The following CSMD1 variants were observed in gnomAD, a reference collection of about 807,000 sequenced individuals.
CSMD1 encodes CUB and sushi domain-containing protein 1.
In CSMD1, 213 loss-of-function variants were observed where a neutral mutation model predicts 417.5. That is an observed-to-expected ratio of 0.51 (90% CI 0.46 to 0.57). The LOEUF (loss-of-function observed/expected upper bound fraction) is 0.57, where lower values mean the gene tolerates loss of function less well. Ranked by LOEUF, CSMD1 falls within the 20% of genes least tolerant of loss-of-function variation. The pLI is 0.00. For missense variants in CSMD1, 6,923 were observed against 4,529.7 expected (o/e 1.53, Z -15.17); for synonymous variants, 2,862 against 1,736.8 (o/e 1.65, Z -16.11).
intron 3 of CSMD1, among the ~76,000 whole-genome samples, chr8:4,255,816 T>C (rs1034851573): frequency 6.6e-6 from 1 of 152,232 alleles, no homozygotes; most frequent in Non-Finnish European, 1.5e-5. Flanking sequence ...TCTGGGGCAC[T>C]GGCTGGCCTT....
intron 52 of CSMD1, among the ~76,000 whole-genome samples, chr8:3,016,094 C>T (rs969409680): frequency 1.3e-5 from 2 of 152,100 alleles, no homozygotes; most frequent in Admixed American, 6.6e-5. Flanking sequence ...ATCTGCAGGT[C>T]GAAGGAATAA....
intron 5 of CSMD1, among the ~76,000 whole-genome samples, chr8:3,947,163 T>C (rs1811284906): frequency 6.6e-6 from 1 of 152,230 alleles, no homozygotes; most frequent in African/African-American, 2.4e-5. Flanking sequence ...GTTATAAAAT[T>C]TCCATGGATG....
At chr8:4,878,166 G>A (rs758263484) in intron 1 of CSMD1, among the ~76,000 whole-genome samples, 11 of 152,040 alleles carry the variant, frequency 7.2e-5, no homozygotes, top group Non-Finnish European at 1.5e-4. Flanking sequence ...TTTAGAATGA[G>A]CAGTTTGTTT....
chr8:3,707,395 C>A (rs1469795767), intron 7 of CSMD1, among the ~76,000 whole-genome samples: 1 of 152,082 alleles, frequency 6.6e-6, no homozygotes, highest in African/African-American at 2.4e-5. Context: ...ATGCAAAACA[C>A]CGGGGACAGG....
chr8:3,673,596 T>G (rs1348690854), intron 7 of CSMD1, among the ~76,000 whole-genome samples: 1 of 152,170 alleles, frequency 6.6e-6, no homozygotes, highest in Non-Finnish European at 1.5e-5. Context: ...CAGAGCTAAT[T>G]TTAACTTGAA....
chr8:3,406,090 A>T lies in CSMD1; in HGVS notation c.2203T>A (p.Ser735Thr), dbSNP rs115440730. Residue 735 changes from serine (S) to threonine (T), a missense_variant, in exon 15 of 70, where the codon TCC becomes ACC. Physicochemically the swap from Ser to Thr is moderately conservative, Grantham distance 58 (BLOSUM62 1). Transcript: ENST00000635120. Reference sequence around the variant, plus strand: ...CCGTCTTGCAGTATGCAGGTAATGGACTCGGATCCCTGGGTCTTGACAAAG... The same window carrying T: ...CCGTCTTGCAGTATGCAGGTAATGGTCTCGGATCCCTGGGTCTTGACAAAG... Reference protein sequence around the residue: ...DGFVKTQGSESITCILQDGNV... With the variant: ...DGFVKTQGSETITCILQDGNV... 6.2e-7 allele frequency: 1 copy of T among 1,613,872 alleles called. No individual in the cohort carries two copies. The highest frequency in any genetic ancestry group is 1.7e-5 in the Admixed American group (1 of 60,016).
chr8:4,791,068 C>G (rs73499954), intron 1 of CSMD1, among the ~76,000 whole-genome samples: 1 of 118,078 alleles, frequency 8.5e-6, no homozygotes, highest in East Asian at 2.4e-4. Flanking sequence ...GGGAGAGAGA[C>G]GGTGAGAGAG....
chr8:3,199,958 T>G, intron 32 of CSMD1, 149 bp from the exon 33 acceptor site: 1 of 584,894 alleles, frequency 1.7e-6, no homozygotes, highest in Middle Eastern at 2.7e-4. Context: ...CTCAAATATG[T>G]TGTTTTTATA....
In CSMD1 at chr8:3,399,527, G is replaced by C. The variant is rs200757644; in HGVS notation, c.2269C>G (p.Pro757Ala). The C allele has an allele frequency of 1.9e-6, 3 of 1,584,010 alleles. No individual in the cohort carries two copies. Among genetic ancestry groups the C allele is most frequent in the Middle Eastern group, 1.7e-4 (1 of 5,926 alleles). Residue 757 changes from proline (P) to alanine (A), a missense_variant and splice_region_variant, in exon 16 of 70, where the codon CCA becomes GCA. Coordinates refer to ENST00000635120, the MANE Select transcript of CSMD1 (RefSeq NM_033225.6). ...WSSTVPRCEAPCGGHLTASSG... is the reference protein window; with the variant it reads ...WSSTVPRCEAACGGHLTASSG... ...GACGCTGTCAGATGTCCACCACATGGAGCTAAAACAAGACGTAGAATATCT... is the reference window on the plus strand; with the variant it reads ...GACGCTGTCAGATGTCCACCACATGCAGCTAAAACAAGACGTAGAATATCT...
At chr8:3,558,875 C>T (rs1012096386) in intron 10 of CSMD1, among the ~76,000 whole-genome samples, 2 of 152,066 alleles carry the variant, frequency 1.3e-5, no homozygotes, top group African/African-American at 4.8e-5. Flanking sequence ...CACCTGCCGC[C>T]CTGTAGTTGC....
intron 1 of CSMD1, among the ~76,000 whole-genome samples, chr8:4,848,696 C>A (rs1430271550): frequency 6.6e-6 from 1 of 152,090 alleles, no homozygotes; most frequent in Non-Finnish European, 1.5e-5. Flanking sequence ...CCCACCACCA[C>A]ACCCAGCTAA....
At chr8:4,590,580 T>G (rs1459733232) in intron 2 of CSMD1, among the ~76,000 whole-genome samples, 2 of 152,078 alleles carry the variant, frequency 1.3e-5, no homozygotes, top group African/African-American at 4.8e-5. Flanking sequence ...AAATATAAAT[T>G]AGAAATATAC....
chr8:3,187,275 T>C (rs1796114926), intron 36 of CSMD1, among the ~76,000 whole-genome samples: 1 of 152,144 alleles, frequency 6.6e-6, no homozygotes, highest in Non-Finnish European at 1.5e-5. Flanking sequence ...GATATCCTGT[T>C]AAACAAAAGC....
At chr8:4,257,688 A>G (rs55962367) in intron 3 of CSMD1, among the ~76,000 whole-genome samples, 14,029 of 152,178 alleles carry the variant, frequency 0.092, 949 homozygotes, top group East Asian at 0.35. Context: ...AGTCTTAGGT[A>G]TGGATTCTAA....
At chr8:3,072,217 T>G (rs1048727334) in intron 49 of CSMD1, among the ~76,000 whole-genome samples, 2 of 152,218 alleles carry the variant, frequency 1.3e-5, no homozygotes, top group African/African-American at 2.4e-5. Flanking sequence ...GTCGAAAGTT[T>G]TGTTTACAAA....
intron 1 of CSMD1, among the ~76,000 whole-genome samples, chr8:4,720,753 G>C (rs960879303): frequency 3.3e-4 from 50 of 152,066 alleles, no homozygotes; most frequent in African/African-American, 1.1e-3. Context: ...TATTTATAAA[G>C]TTTCTGAAAA....
chr8:3,974,319 G>A (rs538219482), intron 5 of CSMD1, among the ~76,000 whole-genome samples: 12 of 145,232 alleles, frequency 8.3e-5, no homozygotes, highest in South Asian at 2.1e-4. Flanking sequence ...TATTCCTTTT[G>A]CCCCTTAAGC....
intron 3 of CSMD1, among the ~76,000 whole-genome samples, chr8:4,377,094 C>T (rs770614180): frequency 1.3e-5 from 2 of 152,184 alleles, no homozygotes; most frequent in South Asian, 4.1e-4. Context: ...TTTCATTCCT[C>T]TTTCTTCTAA....
chr8:3,617,095 C>T (rs1258583065), intron 7 of CSMD1, among the ~76,000 whole-genome samples: 2 of 152,016 alleles, frequency 1.3e-5, no homozygotes, highest in African/African-American at 2.4e-5. Context: ...TATGCCAGGT[C>T]ACAATTAACA....
Sources: allele counts gnomAD v4.1 joint callset (sites outside exome capture counted in the v4.1 genomes callset), GRCh38; gene constraint gnomAD v4.1.1; transcripts MANE v1.5; gene names NCBI Gene and HGNC (gene_info 2026-07-23, HGNC 2026-07-21).